The following WDR26 variants were observed in gnomAD, a reference collection of about 807,000 sequenced individuals.
The protein encoded by WDR26 is WD repeat domain 26.
In WDR26, 5 loss-of-function variants were observed where a neutral mutation model predicts 84.1. The observed-to-expected ratio is 0.06, with a 90% CI of 0.03 to 0.13. The LOEUF is 0.13. WDR26 is among the 10% of genes least tolerant of loss of function. The probability of loss-of-function intolerance (pLI) is 1.00; values close to 1 mark genes in which losing one functional copy is unlikely to be tolerated. For synonymous variants in WDR26, 415 were observed against 389.6 expected, an observed-to-expected ratio of 1.07 and a Z score of -0.77; for missense variants, 642 against 974.9, an observed-to-expected ratio of 0.66 and a Z score of 4.55.
intron 6 of WDR26, among the ~76,000 whole-genome samples, chr1:224,417,637 A>C (rs1448034330): frequency 6.6e-6 from 1 of 152,232 alleles, no homozygotes; most frequent in African/African-American, 2.4e-5. Flanking sequence ...GCCTAAGGCT[A>C]TATAGTAGCC....
rs1380223617 is a variant in WDR26 at position 224,386,661 on chromosome 1, G to A, written c.*3174C>T. The A allele has an allele frequency of 6.6e-6, 1 of 152,224 alleles. No homozygotes were observed. Among genetic ancestry groups the A allele is most frequent in the African/African-American group, 2.4e-5 (1 of 41,394 alleles). 9.4% of individuals were successfully genotyped at this position (152,224 alleles called of 1,614,324 possible). ...GACTAAGAAAATACTGACAAAATTG[G>A]ATTTTTTTCTCCTTTCAATTGCAGG... On this transcript the variant is annotated 3_prime_UTR_variant, in exon 14 of 14. Coordinates refer to ENST00000414423, the MANE Select transcript of WDR26 (RefSeq NM_001379403.1).
At chr1:224,412,691 A>G (rs1049059474) in intron 6 of WDR26, among the ~76,000 whole-genome samples, 3 of 152,242 alleles carry the variant, frequency 2.0e-5, no homozygotes, top group African/African-American at 7.2e-5. Flanking sequence ...TGACAGTGGA[A>G]ATGCTATATA....
intron 3 of WDR26, among the ~76,000 whole-genome samples, chr1:224,427,112 A>AAAAAAAC: frequency 6.6e-6 from 1 of 150,944 alleles, no homozygotes; most frequent in African/African-American, 2.4e-5. Context: ...TCCAAAAAAA[A>AAAAAAAC]AAAAAAAAAA....
chr1:224,401,395 G>C (rs1673409120), intron 8 of WDR26, among the ~76,000 whole-genome samples: 1 of 151,974 alleles, frequency 6.6e-6, no homozygotes, highest in African/African-American at 2.4e-5. Context: ...ATAATGAAAA[G>C]CCCAAGACTA....
chr1:224,413,334 G>A (rs765011083), intron 6 of WDR26: 5 of 1,241,476 alleles, frequency 4.0e-6, no homozygotes, highest in South Asian at 4.0e-5. Flanking sequence ...CAATTCACCA[G>A]TCTGAAACAA....
At chr1:224,398,483 A>G (rs1673321702) in intron 11 of WDR26, 32 bp downstream of exon 11, 1 of 1,563,216 alleles carries the variant, frequency 6.4e-7, no homozygotes, top group Non-Finnish European at 8.6e-7. Flanking sequence ...TACTAAGCCA[A>G]ATTTTTCAGA....
chr1:224,418,573 A>G (rs757884654), intron 5 of WDR26, among the ~76,000 whole-genome samples, 157 bp from the exon 6 acceptor site: 3 of 152,232 alleles, frequency 2.0e-5, no homozygotes, highest in Non-Finnish European at 2.9e-5. Flanking sequence ...AGCTTTACGA[A>G]TATTTGTCAG....
intron 3 of WDR26, among the ~76,000 whole-genome samples, chr1:224,425,274 G>A (rs777660855): frequency 6.6e-6 from 1 of 152,232 alleles, no homozygotes; most frequent in Non-Finnish European, 1.5e-5. Flanking sequence ...ACGTGGACAA[G>A]CATAAGCTTG....
intron 8 of WDR26, among the ~76,000 whole-genome samples, chr1:224,402,446 G>T (rs976398026): frequency 2.6e-5 from 4 of 152,164 alleles, no homozygotes; most frequent in Non-Finnish European, 4.4e-5. Flanking sequence ...GCTCTAAATA[G>T]TGAGTACATG....
intron 5 of WDR26, 120 bp downstream of exon 5, chr1:224,419,398 C>T: frequency 1.3e-6 from 1 of 777,964 alleles, no homozygotes; most frequent in East Asian, 2.7e-5. Flanking sequence ...TGGATTCTCC[C>T]TCTTCTAAGC....
At position 224,411,412 on chromosome 1, in the gene WDR26, T is replaced by C. The variant is rs760650109; in HGVS notation, c.1458+15A>G. The C allele has an allele frequency of 2.5e-6, 4 of 1,598,462 alleles. No individual in the cohort carries two copies. The highest frequency in any genetic ancestry group is 3.4e-6 in the Non-Finnish European group (4 of 1,174,400). ...TCCCCTTTTGTAATATAAACACTCATATTGGGGTACATACCGGATCAACTT... is the reference window on the plus strand; with the variant it reads ...TCCCCTTTTGTAATATAAACACTCACATTGGGGTACATACCGGATCAACTT... On this transcript the variant is annotated intron_variant, in intron 7 of 13. Transcript: ENST00000414423.
rs1218307313 is a variant in WDR26, at chr1:224,400,944, A to G, written c.1719+6T>C. On this transcript the variant is annotated splice_donor_region_variant and intron_variant, in intron 9 of 13. Transcript: ENST00000414423. The stretch of plus-strand genomic sequence containing the variant: ...AGATACTGGGAAGGGGGCACTGAAT[A>G]CTTACACACTGATAGAACTGCCCAC... 1 of 1,609,744 alleles carries G rather than the reference A, an allele frequency of 6.2e-7. No individual in the cohort carries two copies. The highest frequency in any genetic ancestry group is 1.3e-5 in the African/African-American group (1 of 74,608).
At chr1:224,397,960 A>C in intron 12 of WDR26, 137 bp downstream of exon 12, 1 of 1,041,170 alleles carries the variant, frequency 9.6e-7, no homozygotes, top group Non-Finnish European at 1.4e-6. Flanking sequence ...TTACAGAGAG[A>C]AATTAACCGT....
chr1:224,415,406 A>G (rs558294505), intron 6 of WDR26, among the ~76,000 whole-genome samples: 1 of 150,564 alleles, frequency 6.6e-6, no homozygotes, highest in South Asian at 2.1e-4. Context: ...CCATGGAAGT[A>G]TAACTAAGGA....
chr1:224,410,694 CTTTTT>C (rs397983007), intron 7 of WDR26, among the ~76,000 whole-genome samples: 13 of 118,948 alleles, frequency 1.1e-4, no homozygotes, highest in African/African-American at 3.3e-4. Flanking sequence ...ATCTTTCTTT[CTTTTT>C]TTTTTTTTTT....
At position 224,434,010 on chromosome 1, in the gene WDR26, G is replaced by C; in HGVS notation, c.396C>G (p.Leu132=). The C allele has an allele frequency of 6.6e-7, 1 of 1,508,080 alleles. No homozygotes were observed. The highest frequency in any genetic ancestry group is 8.8e-7 in the Non-Finnish European group (1 of 1,130,774). The allele number at this position is 1,508,080 out of a possible 1,614,324, so 93.4% of individuals were successfully genotyped here. ...CCCCGTTCTGGGCCGACAAGCAGGC[G>C]AGTTCCGGGGTCTGTCCCTGGCCCC... The change falls in exon 1 of 14, where the codon CTC becomes CTG. Residue 132 remains leucine, a synonymous_variant. Coordinates refer to ENST00000414423, the MANE Select transcript of WDR26 (RefSeq NM_001379403.1).
At chr1:224,400,561 T>C (rs1020648966) in intron 9 of WDR26, among the ~76,000 whole-genome samples, 10 of 152,342 alleles carry the variant, frequency 6.6e-5, no homozygotes, top group African/African-American at 2.4e-4. Flanking sequence ...ATGTATTTTT[T>C]TGAGACAGAG....
At chr1:224,419,706 TCTTA>T in intron 4 of WDR26, 91 bp from the exon 5 acceptor site, 1 of 969,388 alleles carries the variant, frequency 1.0e-6, no homozygotes, top group South Asian at 1.3e-5. Flanking sequence ...GCTATCTGCT[TCTTA>T]CTAATACATG....
At chr1:224,390,203 T>C (rs1673086135) in intron 13 of WDR26, among the ~76,000 whole-genome samples, 1 of 152,240 alleles carries the variant, frequency 6.6e-6, no homozygotes, top group Admixed American at 6.5e-5. Flanking sequence ...CACTGCAACC[T>C]CTGCCTCCTT....
Sources: gnomAD v4.1 joint callset for allele counts (sites outside exome capture counted in the v4.1 genomes callset) on GRCh38, gnomAD v4.1.1 for gene constraint, MANE v1.5 for transcripts, NCBI Gene and HGNC (gene_info 2026-07-23, HGNC 2026-07-21) for gene names.